Variants in HNMT observed in about 807,000 individuals in gnomAD.
The protein encoded by HNMT is histamine N-methyltransferase.
A neutral mutation model predicts 32.1 loss-of-function variants in HNMT; 30 were observed. The ratio of observed to expected loss-of-function variants is 0.93; its 90% CI spans 0.70 to 1.27. The LOEUF (loss-of-function observed/expected upper bound fraction) is 1.27, where lower values mean the gene tolerates loss of function less well. HNMT is among the 50% of genes most tolerant of loss of function. The pLI is 0.00. For synonymous variants in HNMT, 125 were observed against 119.0 expected (o/e 1.05, Z -0.33); for missense variants, 327 against 346.0 (o/e 0.95, Z 0.43).
intron 3 of HNMT, among the ~76,000 whole-genome samples, chr2:138,001,229 C>T (rs2104974566): frequency 6.6e-6 from 1 of 152,292 alleles, no homozygotes; most frequent in African/African-American, 2.4e-5. Flanking sequence ...TCTATTAACA[C>T]TTCATCCATT....
At chr2:137,998,971 C>T (rs945740317) in intron 2 of HNMT, among the ~76,000 whole-genome samples, 29 of 152,026 alleles carry the variant, frequency 1.9e-4, no homozygotes, top group African/African-American at 6.1e-4. Flanking sequence ...TTCTTACCAG[C>T]CTTTTGTCTT....
chr2:138,005,943 T>A (rs55797800), intron 5 of HNMT, among the ~76,000 whole-genome samples: 1,560 of 152,126 alleles, frequency 0.01, 29 homozygotes, highest in African/African-American at 0.036. Flanking sequence ...CAGCAGACTC[T>A]GTCTTCCTAA....
chr2:138,010,838 A>G (rs1242783963), intron 5 of HNMT, among the ~76,000 whole-genome samples: 3 of 151,988 alleles, frequency 2.0e-5, no homozygotes, highest in Non-Finnish European at 2.9e-5. Context: ...ATCAAAGAAA[A>G]GTTTTTTTCT....
intron 2 of HNMT, chr2:137,981,667 T>C: frequency 2.6e-6 from 1 of 389,612 alleles, no homozygotes; most frequent in Non-Finnish European, 4.7e-6. Context: ...TATCATGAAC[T>C]GTGGTAAATT....
chr2:137,985,236 C>T (rs1329992223), intron 2 of HNMT, among the ~76,000 whole-genome samples: 1 of 151,710 alleles, frequency 6.6e-6, no homozygotes, highest in Non-Finnish European at 1.5e-5. Flanking sequence ...ATGTATAAAA[C>T]TGCTCTAACT....
chr2:137,966,124 G>A (rs1679950385), intron 1 of HNMT, among the ~76,000 whole-genome samples: 1 of 152,168 alleles, frequency 6.6e-6, no homozygotes, highest in African/African-American at 2.4e-5. Context: ...GTACCAAAAT[G>A]TGATTAGGAT....
Position 137,970,969 on chromosome 2 carries a change from G to A in HNMT, c.190+752G>A, listed in dbSNP as rs1215035786. On this transcript the variant is annotated intron_variant, in intron 2 of 5. Coordinates refer to ENST00000280097, the MANE Select transcript of HNMT (RefSeq NM_006895.3). ...AGAAAGAAAGAAAGAAAGAAAGAAA[G>A]AAAAAAGAAATGTGCACTGGAATAT... 1.0e-4 allele frequency among the ~76,000 whole-genome samples: 14 copies of A among 137,950 alleles called. 1 individual carries two copies. Among genetic ancestry groups the A allele is most frequent in the Admixed American group, 1.4e-4 (2 of 13,970 alleles). 90.5% of individuals were successfully genotyped at this position (137,950 alleles called of 152,430 possible).
At chr2:138,001,918 A>T (rs1681185702) in intron 3 of HNMT, 146 bp from the exon 4 acceptor site, 1 of 501,578 alleles carries the variant, frequency 2.0e-6, no homozygotes, top group African/African-American at 2.0e-5. Flanking sequence ...AGCAGTATGA[A>T]CTCTCTGGTC....
chr2:137,992,075 G>A (rs1680837784), intron 2 of HNMT: 1 of 152,272 alleles, frequency 6.6e-6, no homozygotes, highest in Non-Finnish European at 1.5e-5. Flanking sequence ...CCACAGAATT[G>A]TGCAACCCAC....
At chr2:137,968,770 AG>A (rs1370105910) in intron 1 of HNMT, among the ~76,000 whole-genome samples, 5 of 152,148 alleles carry the variant, frequency 3.3e-5, no homozygotes, top group African/African-American at 1.2e-4. Flanking sequence ...TCTCGACCCT[AG>A]ACTTTGCAAG....
Position 138,014,181 on chromosome 2 carries a change from C to A in HNMT, c.*51C>A. On this transcript the variant is annotated 3_prime_UTR_variant, in exon 6 of 6. Transcript: ENST00000280097. Reference sequence around the variant, plus strand: ...AAATTATATTTTGAACAACTCGAATCACTCATTTATTTCCATATTAAAATC... The same window carrying A: ...AAATTATATTTTGAACAACTCGAATAACTCATTTATTTCCATATTAAAATC... 2 of 1,145,694 alleles carry A rather than the reference C, an allele frequency of 1.7e-6. No individual in the cohort carries two copies. Among genetic ancestry groups the A allele is most frequent in the Non-Finnish European group, 1.2e-6 (1 of 800,796 alleles). 71.0% of individuals were successfully genotyped at this position (1,145,694 alleles called of 1,614,324 possible). A position where few individuals can be genotyped will look rare whatever the true frequency, so the allele number is the denominator to read the frequency against.
intron 2 of HNMT, among the ~76,000 whole-genome samples, chr2:137,971,338 C>A (rs1469190655): frequency 6.6e-6 from 1 of 152,104 alleles, no homozygotes; most frequent in Non-Finnish European, 1.5e-5. Context: ...AACCACCGCA[C>A]CTGGCTAATT....
At chr2:137,987,797 T>C (rs1680693318) in intron 2 of HNMT, among the ~76,000 whole-genome samples, 1 of 152,146 alleles carries the variant, frequency 6.6e-6, no homozygotes, top group Non-Finnish European at 1.5e-5. Flanking sequence ...TAGTACATCA[T>C]ATAAATGAAG....
intron 2 of HNMT, among the ~76,000 whole-genome samples, chr2:137,975,523 T>C (rs1680261011): frequency 6.6e-6 from 1 of 152,166 alleles, no homozygotes; most frequent in Non-Finnish European, 1.5e-5. Flanking sequence ...GTCCCAGGAT[T>C]TTATTTTCCT....
At chr2:137,978,488 A>G (rs935342599) in intron 2 of HNMT, among the ~76,000 whole-genome samples, 1 of 140,462 alleles carries the variant, frequency 7.1e-6, no homozygotes, top group Non-Finnish European at 1.5e-5. Flanking sequence ...TAGATAATAT[A>G]GTATTATACA....
intron 5 of HNMT, among the ~76,000 whole-genome samples, chr2:138,006,076 G>A (rs1681323656): frequency 6.6e-6 from 1 of 151,982 alleles, no homozygotes; most frequent in Non-Finnish European, 1.5e-5. Context: ...TTGACCTTAT[G>A]TGAAAGTTTG....
chr2:137,964,917 G>A (rs1003579738), intron 1 of HNMT, among the ~76,000 whole-genome samples: 3 of 152,136 alleles, frequency 2.0e-5, no homozygotes, highest in African/African-American at 7.2e-5. Context: ...TTTGGGAAAA[G>A]ATAAGATGCT....
chr2:138,006,001 T>G (rs1176243214), intron 5 of HNMT, among the ~76,000 whole-genome samples: 1 of 152,058 alleles, frequency 6.6e-6, no homozygotes, highest in East Asian at 1.9e-4. Flanking sequence ...CAAAATTGAC[T>G]TGTTCTTAAA....
At chr2:138,003,172 C>T (rs1270406772) in intron 4 of HNMT, among the ~76,000 whole-genome samples, 1 of 150,404 alleles carries the variant, frequency 6.6e-6, no homozygotes, top group Admixed American at 6.6e-5. Flanking sequence ...CAGCATGGCA[C>T]ATGTATACAT....
Sources: allele counts gnomAD v4.1 joint callset (sites outside exome capture counted in the v4.1 genomes callset), GRCh38; gene constraint gnomAD v4.1.1; transcripts MANE v1.5; gene names NCBI Gene and HGNC (gene_info 2026-07-23, HGNC 2026-07-21).